Variants in NYAP2 observed in about 807,000 individuals in gnomAD.
The protein encoded by NYAP2 is neuronal tyrosine-phosphorylated phosphoinositide-3-kinase adapter 2.
In NYAP2, 23 loss-of-function variants were observed where a neutral mutation model predicts 50.4. The observed-to-expected ratio is 0.46, with a 90% CI of 0.33 to 0.65. The LOEUF (loss-of-function observed/expected upper bound fraction) is 0.65. Ranked by LOEUF, NYAP2 falls within the 30% of genes least tolerant of loss-of-function variation. The probability of loss-of-function intolerance (pLI) is 0.02; values close to 1 mark genes in which losing one functional copy is unlikely to be tolerated. For synonymous variants in NYAP2, 394 were observed against 365.2 expected, an observed-to-expected ratio of 1.08 and a Z score of -0.90; for missense variants, 885 against 861.0, an observed-to-expected ratio of 1.03 and a Z score of -0.35.
chr2:225,574,251 CA>C (rs1176367275), intron 4 of NYAP2, among the ~76,000 whole-genome samples: 5 of 152,074 alleles, frequency 3.3e-5, no homozygotes, highest in African/African-American at 7.2e-5. Context: ...ACTGGCAGGT[CA>C]GGGGCAGGTA....
chr2:225,702,711 T>C, the NYAP2 span: 1 of 151,748 alleles, frequency 6.6e-6, no homozygotes, highest in Non-Finnish European at 1.5e-5. Context: ...TAAAACTCTT[T>C]GATATTTGGG....
intron 4 of NYAP2, among the ~76,000 whole-genome samples, chr2:225,574,055 C>T (rs752920532): frequency 3.9e-4 from 59 of 152,256 alleles, no homozygotes; most frequent in South Asian, 3.1e-3. Flanking sequence ...TCACCCTGTT[C>T]CCCAAAAGTT....
intron 3 of NYAP2, among the ~76,000 whole-genome samples, chr2:225,486,114 G>A (rs1034015673): frequency 6.6e-6 from 1 of 152,142 alleles, no homozygotes; most frequent in Non-Finnish European, 1.5e-5. Context: ...CCACCCTTGA[G>A]CAAGGTGCGT....
the NYAP2 span, chr2:225,699,271 A>C: frequency 3.9e-5 from 6 of 151,960 alleles, no homozygotes; most frequent in Admixed American, 6.6e-5. Flanking sequence ...AGAGAAAGTT[A>C]CTAGGATATA....
the NYAP2 span, among the ~76,000 whole-genome samples, chr2:225,668,801 C>T: frequency 6.6e-6 from 1 of 152,062 alleles, no homozygotes; most frequent in African/African-American, 2.4e-5. Context: ...CTGTGCAGTT[C>T]ATCACCACTA....
chr2:225,640,326 G>A (rs1191557653), intron 6 of NYAP2, among the ~76,000 whole-genome samples: 1 of 152,114 alleles, frequency 6.6e-6, no homozygotes, highest in Non-Finnish European at 1.5e-5. Flanking sequence ...GAGCAGCCAT[G>A]TTACACATGT....
intron 4 of NYAP2, among the ~76,000 whole-genome samples, chr2:225,520,969 T>A (rs1391768838): frequency 6.6e-6 from 1 of 150,600 alleles, no homozygotes; most frequent in Non-Finnish European, 1.5e-5. Context: ...TTTGTAGTTC[T>A]CCTTGAAGAG....
At chr2:225,527,511 TTATAGAACATGCAG>T (rs1376924322) in intron 4 of NYAP2, among the ~76,000 whole-genome samples, 3 of 152,214 alleles carry the variant, frequency 2.0e-5, no homozygotes, top group Non-Finnish European at 4.4e-5. Context: ...ATTTATGCTG[TTATAGAACATGCAG>T]TAGCTTGCTT....
At chr2:225,569,264 G>A (rs1156390293) in intron 4 of NYAP2, among the ~76,000 whole-genome samples, 1 of 152,198 alleles carries the variant, frequency 6.6e-6, no homozygotes, top group East Asian at 1.9e-4. Flanking sequence ...TGTGTTGACA[G>A]ACTTCAGTCT....
chr2:225,518,788 A>G (rs1203935098), intron 4 of NYAP2, among the ~76,000 whole-genome samples: 7 of 151,560 alleles, frequency 4.6e-5, no homozygotes, highest in Non-Finnish European at 1.0e-4. Flanking sequence ...GGAGGCCTAG[A>G]CAGGTGGATT....
At chr2:225,575,364 G>A (rs114549047) in intron 4 of NYAP2, among the ~76,000 whole-genome samples, 8 of 152,226 alleles carry the variant, frequency 5.3e-5, no homozygotes, top group Non-Finnish European at 1.0e-4. Context: ...TTTTAGGTAT[G>A]TATAACTGCA....
At chr2:225,512,839 T>TC (rs1559200540) in intron 3 of NYAP2, among the ~76,000 whole-genome samples, 90 of 75,524 alleles carry the variant, frequency 1.2e-3, no homozygotes, top group Admixed American at 4.3e-3. Flanking sequence ...CTCTCTCTCT[T>TC]TCTTTCTTTC....
At chr2:225,508,405 G>A (rs1690749302) in intron 3 of NYAP2, among the ~76,000 whole-genome samples, 1 of 152,138 alleles carries the variant, frequency 6.6e-6, no homozygotes. Context: ...TTGTCGTGAT[G>A]CCTTCTCTTT....
the NYAP2 span, among the ~76,000 whole-genome samples, chr2:225,663,528 A>T: frequency 6.6e-6 from 1 of 151,956 alleles, no homozygotes; most frequent in African/African-American, 2.4e-5. Flanking sequence ...CCTCAGGTTC[A>T]TCCACACACC....
intron 3 of NYAP2, among the ~76,000 whole-genome samples, chr2:225,482,187 C>A (rs899346947): frequency 3.9e-5 from 6 of 152,056 alleles, no homozygotes; most frequent in Non-Finnish European, 8.8e-5. Flanking sequence ...TCACTACCTG[C>A]GATTTTACAG....
chr2:225,648,390 T>C lies in NYAP2; in HGVS notation c.1829-3042T>C, dbSNP rs917472593. ...CAGGTCACAGAGGACCTCTGGAAAA[T>C]AGACGTTTTTCATGATAATAAATAT... is the stretch of plus-strand genomic sequence containing the variant. On this transcript the variant is annotated intron_variant, in intron 6 of 6. Transcript: ENST00000636099. 2.6e-4 allele frequency among the ~76,000 whole-genome samples: 17 copies of C among 64,730 alleles called. No individual in the cohort carries two copies. In the East Asian group the frequency reaches 4.3e-3, roughly 16 times the overall value. The allele number at this position is 64,730 out of a possible 152,430, so 42.5% of individuals were successfully genotyped here.
the NYAP2 span, among the ~76,000 whole-genome samples, chr2:225,674,027 G>A: frequency 0.077 from 11,674 of 152,150 alleles, 515 homozygotes; most frequent in East Asian, 0.24. Flanking sequence ...CGGGGCTGAG[G>A]AAGTCAGGTG....
the NYAP2 span, among the ~76,000 whole-genome samples, chr2:225,680,223 T>A: frequency 6.6e-6 from 1 of 152,240 alleles, no homozygotes; most frequent in East Asian, 1.9e-4. Context: ...CACAAAGAAG[T>A]CTCTCCCTTG....
At chr2:225,631,168 A>G (rs1693307500) in intron 6 of NYAP2, among the ~76,000 whole-genome samples, 1 of 152,242 alleles carries the variant, frequency 6.6e-6, no homozygotes, top group South Asian at 2.1e-4. Flanking sequence ...TTGAACACTT[A>G]GTAAGTTACA....
Sources: gnomAD v4.1 joint callset for allele counts (sites outside exome capture counted in the v4.1 genomes callset) on GRCh38, gnomAD v4.1.1 for gene constraint, MANE v1.5 for transcripts, NCBI Gene and HGNC (gene_info 2026-07-23, HGNC 2026-07-21) for gene names.